Variants in CATSPERE observed in about 807,000 individuals in gnomAD.
The protein encoded by CATSPERE is cation channel sperm-associated auxiliary subunit epsilon.
In CATSPERE, 93 loss-of-function variants were observed where a neutral mutation model predicts 114.1. The ratio of observed to expected loss-of-function variants is 0.81; its 90% CI spans 0.69 to 0.97. The LOEUF is 0.97. CATSPERE is among the 50% of genes least tolerant of loss of function. The pLI, the probability that CATSPERE is intolerant of heterozygous loss-of-function variation, is 0.00. For synonymous variants in CATSPERE, 341 were observed against 384.1 expected (o/e 0.89, Z 1.31); for missense variants, 1,058 against 1,131.6 (o/e 0.93, Z 0.93).
chr1:244,542,776 T>C (rs1272424749), intron 8 of CATSPERE, among the ~76,000 whole-genome samples: 2 of 152,164 alleles, frequency 1.3e-5, no homozygotes, highest in African/African-American at 4.8e-5. Flanking sequence ...CTGTCCACTT[T>C]GTAGACCTCA....
chr1:244,601,090 A>T (rs576179631), intron 17 of CATSPERE, among the ~76,000 whole-genome samples: 6 of 152,338 alleles, frequency 3.9e-5, no homozygotes, highest in Admixed American at 2.6e-4. Context: ...GGCATATTTT[A>T]AAAATTTTGA....
intron 18 of CATSPERE, among the ~76,000 whole-genome samples, chr1:244,606,528 T>C (rs931907455): frequency 6.6e-6 from 1 of 151,194 alleles, no homozygotes; most frequent in Admixed American, 6.6e-5. Flanking sequence ...TCCAGAAGTA[T>C]AACCCATCTA....
intron 17 of CATSPERE, among the ~76,000 whole-genome samples, chr1:244,604,566 A>G (rs1292689528): frequency 6.6e-6 from 1 of 152,212 alleles, no homozygotes; most frequent in Non-Finnish European, 1.5e-5. Flanking sequence ...TGCAGCAAGA[A>G]GCTCTACCAG....
At chr1:244,496,693 T>C (rs1673150915) in intron 6 of CATSPERE, among the ~76,000 whole-genome samples, 1 of 152,164 alleles carries the variant, frequency 6.6e-6, no homozygotes, top group Non-Finnish European at 1.5e-5. Context: ...AATGCCATCT[T>C]AATGAAAAAA....
intron 6 of CATSPERE, among the ~76,000 whole-genome samples, chr1:244,492,461 A>G (rs1385038771): frequency 6.7e-6 from 1 of 149,212 alleles, no homozygotes; most frequent in Non-Finnish European, 1.5e-5. Context: ...AATAAGAGCT[A>G]TCTATGACAA....
At chr1:244,506,108 G>A (rs919241115) in intron 7 of CATSPERE, among the ~76,000 whole-genome samples, 4 of 152,172 alleles carry the variant, frequency 2.6e-5, no homozygotes, top group Non-Finnish European at 5.9e-5. Flanking sequence ...ATACTGGCTT[G>A]TAGATAATTT....
At chr1:244,477,775 A>C in intron 3 of CATSPERE, 131 bp from the exon 4 acceptor site, 1 of 943,360 alleles carries the variant, frequency 1.1e-6, no homozygotes, top group Non-Finnish European at 1.6e-6. Context: ...ATAGAAGTAA[A>C]ATATTGCAAA....
intron 10 of CATSPERE, among the ~76,000 whole-genome samples, chr1:244,563,046 C>T (rs946517406): frequency 2.0e-5 from 3 of 152,102 alleles, no homozygotes; most frequent in Non-Finnish European, 4.4e-5. Context: ...TATCCATGTC[C>T]CTGCAAAGGA....
chr1:244,513,636 C>T (rs369237168), intron 7 of CATSPERE, among the ~76,000 whole-genome samples: 7 of 152,266 alleles, frequency 4.6e-5, no homozygotes, highest in Admixed American at 1.3e-4. Flanking sequence ...CCGCTTGCAA[C>T]GAGCAGGGTG....
chr1:244,478,205 T>C (rs1669674035), intron 4 of CATSPERE, among the ~76,000 whole-genome samples: 1 of 152,206 alleles, frequency 6.6e-6, no homozygotes, highest in Non-Finnish European at 1.5e-5. Flanking sequence ...TATCTTAGTC[T>C]TTTTATTACT....
At chr1:244,514,671 T>C (rs1235924636) in intron 7 of CATSPERE, among the ~76,000 whole-genome samples, 1 of 151,606 alleles carries the variant, frequency 6.6e-6, no homozygotes, top group Non-Finnish European at 1.5e-5. Context: ...CTACTAAAAA[T>C]ACAAAAAATT....
chr1:244,505,285 T>G (rs1558389520), intron 7 of CATSPERE, among the ~76,000 whole-genome samples: 1 of 152,126 alleles, frequency 6.6e-6, no homozygotes, highest in East Asian at 1.9e-4. Flanking sequence ...ATCAGGCATT[T>G]CTCCTAGGAG....
intron 8 of CATSPERE, among the ~76,000 whole-genome samples, chr1:244,547,766 G>T (rs1558473334): frequency 6.6e-6 from 1 of 151,984 alleles, no homozygotes. Context: ...AAAACAGGAA[G>T]AAAAGATCTA....
intron 2 of CATSPERE, among the ~76,000 whole-genome samples, chr1:244,474,493 A>G (rs950421341): frequency 4.5e-4 from 68 of 151,604 alleles, no homozygotes; most frequent in African/African-American, 1.6e-3. Flanking sequence ...ATATTACTAT[A>G]TTCTATAATT....
intron 2 of CATSPERE, among the ~76,000 whole-genome samples, chr1:244,467,845 C>A (rs1572230061): frequency 6.6e-6 from 1 of 152,114 alleles, no homozygotes; most frequent in African/African-American, 2.4e-5. Context: ...GTGAAAGTAG[C>A]CATACAGAAA....
intron 6 of CATSPERE, among the ~76,000 whole-genome samples, chr1:244,495,411 A>G (rs570190994): frequency 5.3e-5 from 8 of 152,320 alleles, no homozygotes; most frequent in African/African-American, 1.7e-4. Flanking sequence ...ACCTCCCTAT[A>G]TGAAGTTAGG....
At chr1:244,542,081 G>A (rs1463477219) in intron 8 of CATSPERE, among the ~76,000 whole-genome samples, 10 of 148,998 alleles carry the variant, frequency 6.7e-5, no homozygotes, top group Admixed American at 2.7e-4. Flanking sequence ...TGGGTGCAGC[G>A]CACCAGCATG....
rs753230078 is a variant in CATSPERE at position 244,572,433 on chromosome 1, A to G, written c.1611A>G (p.Thr537=). 5 of 1,610,704 alleles carry G rather than the reference A, an allele frequency of 3.1e-6. No homozygotes were observed. The South Asian group carries it at 5.5e-5, about 18-fold the overall frequency. ...AVKLHLWTNY[T]TRAFIFLSTS... Reference sequence around the variant, plus strand: ...AGCTGCATTTATGGACAAATTACACAACAAGAGCATTCATTTTCTTAAGTA... The same window carrying G: ...AGCTGCATTTATGGACAAATTACACGACAAGAGCATTCATTTTCTTAAGTA... Residue 537 remains threonine (T), a synonymous_variant, in exon 11 of 22, where the codon ACA becomes ACG. Coordinates refer to ENST00000366534, the MANE Select transcript of CATSPERE (RefSeq NM_001130957.2).
chr1:244,625,420 A>T (rs1406193835), intron 20 of CATSPERE, among the ~76,000 whole-genome samples: 3 of 4,654 alleles, frequency 6.4e-4, no homozygotes, highest in African/African-American at 1.4e-3. Flanking sequence ...ATATATATAT[A>T]TATATATATA....
Sources: gnomAD v4.1 joint callset for allele counts (sites outside exome capture counted in the v4.1 genomes callset) on GRCh38, gnomAD v4.1.1 for gene constraint, MANE v1.5 for transcripts, NCBI Gene and HGNC (gene_info 2026-07-23, HGNC 2026-07-21) for gene names.